HDAC9: variants seen among roughly 807,000 people sequenced by gnomAD.
HDAC9 encodes the protein MEF-2 interacting transcription repressor (MITR) protein.
Under a neutral mutation model 139.4 loss-of-function variants are expected in HDAC9, and 41 were observed. The ratio of observed to expected loss-of-function variants is 0.29; its 90% CI spans 0.23 to 0.38. The LOEUF (loss-of-function observed/expected upper bound fraction) is 0.38, where lower values mean the gene tolerates loss of function less well. Ranked by LOEUF, HDAC9 falls within the 10% of genes least tolerant of loss-of-function variation. The probability of loss-of-function intolerance (pLI) is 1.00; values close to 1 mark genes in which losing one functional copy is unlikely to be tolerated. For missense variants in HDAC9, 1,147 were observed against 1,297.0 expected (o/e 0.88, Z 1.78); for synonymous variants, 517 against 476.2 (o/e 1.09, Z -1.12).
intron 23 of HDAC9, among the ~76,000 whole-genome samples, chr7:18,953,779 C>G (rs552465306): frequency 1.3e-5 from 2 of 152,032 alleles, no homozygotes; most frequent in Admixed American, 1.3e-4. Context: ...ATTGCAACTT[C>G]CCTGAGGTTT....
rs149225268 is a variant in HDAC9, at chr7:18,720,556, A to G, written c.1732-7024A>G. 3.2e-3 allele frequency among the ~76,000 whole-genome samples: 482 copies of G among 151,658 alleles called. 1 individual carries two copies. Among genetic ancestry groups the G allele is most frequent in the African/African-American group, 0.011 (444 of 41,440 alleles). On this transcript the variant is annotated intron_variant, in intron 12 of 25. Coordinates refer to ENST00000686413, the MANE Select transcript of HDAC9 (RefSeq NM_178425.4). ...ATTTATCTATCAGTGAAATTATTTC[A>G]TAGTTGGTACAGATTAATGTATATC... is the stretch of plus-strand genomic sequence containing the variant.
rs539353567 is a variant in HDAC9, at chr7:18,826,360, G to A, written c.2323-2801G>A. Among the ~76,000 whole-genome samples the A allele has an allele frequency of 4.0e-5, 6 of 149,134 alleles. No homozygotes were observed. The South Asian group carries it at 8.3e-4, about 21-fold the overall frequency. On this transcript the variant is annotated intron_variant, in intron 17 of 25. Coordinates refer to ENST00000686413, the MANE Select transcript of HDAC9 (RefSeq NM_178425.4). ...TTGAGCAGATTGTGGGAGAAGCAGC[G>A]TTTTGAGGTTTCAGCTAAGGAAAGG...
chr7:18,582,991 A>T (rs893258006), intron 2 of HDAC9, among the ~76,000 whole-genome samples: 3 of 152,142 alleles, frequency 2.0e-5, no homozygotes, highest in African/African-American at 7.2e-5. Flanking sequence ...TTTGATTCAT[A>T]ATTTGCAATT....
intron 1 of HDAC9, among the ~76,000 whole-genome samples, chr7:18,420,081 A>G (rs1421734486): frequency 2.0e-5 from 3 of 152,226 alleles, no homozygotes; most frequent in Non-Finnish European, 4.4e-5. Context: ...TGTGAGATAA[A>G]CAAAACTCAT....
In HDAC9 at chr7:18,114,623, T is replaced by G. The variant is rs561144792; in HGVS notation, c.-97+27410T>G. ...TCCTTCTGGCGGAGAGGATCCATTC[T>G]TCAATGTCAATCTAGATGGAGCAGT... On this transcript the variant is annotated intron_variant, in intron 1 of 12. Coordinates refer to the HDAC9 transcript ENST00000417496. 9.8e-5 allele frequency among the ~76,000 whole-genome samples: 15 copies of G among 152,304 alleles called. No homozygotes were observed. In the South Asian group the frequency reaches 3.1e-3, roughly 32 times the overall value.
intron 1 of HDAC9, among the ~76,000 whole-genome samples, chr7:18,373,157 A>G (rs898238602): frequency 6.6e-5 from 10 of 152,214 alleles, no homozygotes; most frequent in African/African-American, 2.4e-4. Flanking sequence ...GTCAACCACA[A>G]AAAGAACTGG....
intron 2 of HDAC9, among the ~76,000 whole-genome samples, chr7:18,276,890 CTTCT>C (rs377194595): frequency 3.2e-4 from 48 of 152,084 alleles, no homozygotes; most frequent in African/African-American, 1.1e-3. Context: ...ACAAAAATGG[CTTCT>C]TTGTCTTTTT....
chr7:18,629,482 G>A lies in HDAC9; in HGVS notation c.796+1G>A. ...AAGAAGCGAATGTTTGAGGTGACAG[G>A]TAATTGAGGACTGGGCAGACCTATG... On this transcript the variant is annotated splice_donor_variant, in intron 7 of 25. Transcript: ENST00000686413. LOFTEE classifies it high-confidence loss of function. 1.2e-6 allele frequency: 2 copies of A among 1,611,420 alleles called. No homozygotes were observed. The highest frequency in any genetic ancestry group is 1.7e-6 in the Non-Finnish European group (2 of 1,178,354).
At chr7:18,678,330 T>C (rs567885784) in intron 12 of HDAC9, among the ~76,000 whole-genome samples, 63 of 152,038 alleles carry the variant, frequency 4.1e-4, no homozygotes, top group African/African-American at 1.4e-3. Flanking sequence ...CATCCTTCTT[T>C]GGTTCACTGA....
intron 1 of HDAC9, among the ~76,000 whole-genome samples, chr7:18,372,649 A>C (rs534136988): frequency 6.6e-6 from 1 of 152,344 alleles, no homozygotes; most frequent in South Asian, 2.1e-4. Flanking sequence ...ACATGAGAAC[A>C]TCACGACAGT....
At chr7:18,698,833 T>A (rs1483882634) in intron 12 of HDAC9, among the ~76,000 whole-genome samples, 1 of 152,070 alleles carries the variant, frequency 6.6e-6, no homozygotes, top group Non-Finnish European at 1.5e-5. Context: ...TATTCTTGTA[T>A]CACATTAGTT....
intron 2 of HDAC9, among the ~76,000 whole-genome samples, chr7:18,561,982 C>T (rs932678743): frequency 8.5e-5 from 13 of 152,236 alleles, no homozygotes; most frequent in African/African-American, 2.9e-4. Context: ...CTCGTAAGTA[C>T]TTGCCAACAC....
At chr7:18,730,148 T>C (rs1785919155) in intron 13 of HDAC9, among the ~76,000 whole-genome samples, 1 of 152,206 alleles carries the variant, frequency 6.6e-6, no homozygotes. Flanking sequence ...CCACTGGCAT[T>C]GGGATTAAAA....
At chr7:18,895,558 T>A (rs139685517) in intron 22 of HDAC9, among the ~76,000 whole-genome samples, 62 of 152,232 alleles carry the variant, frequency 4.1e-4, no homozygotes, top group African/African-American at 1.5e-3. Context: ...ATTCTAAAGA[T>A]CAGCTCATGA....
chr7:18,976,201 T>G (rs1468636921), intron 25 of HDAC9, among the ~76,000 whole-genome samples: 1 of 152,208 alleles, frequency 6.6e-6, no homozygotes, highest in Non-Finnish European at 1.5e-5. Context: ...ATGAGATAAA[T>G]GGTGAGAAAA....
In HDAC9 at chr7:18,400,998, C is replaced by T. The variant is rs570336031; in HGVS notation, c.-41-95264C>T. On this transcript the variant is annotated intron_variant, in intron 1 of 3. Coordinates refer to the HDAC9 transcript ENST00000413509. ...AGATGCCTTAGTTGTGGTATAAAAA[C>T]GCTTGGGAAACTCATCTAAATTTAA... Among the ~76,000 whole-genome samples the T allele has an allele frequency of 3.9e-5, 6 of 152,160 alleles. No homozygotes were observed. The South Asian group carries it at 8.3e-4, about 21-fold the overall frequency.
At chr7:18,703,136 A>T (rs1783633008) in intron 12 of HDAC9, among the ~76,000 whole-genome samples, 1 of 152,130 alleles carries the variant, frequency 6.6e-6, no homozygotes, top group South Asian at 2.1e-4. Flanking sequence ...AAGCCAATCA[A>T]AAAAAACAGA....
At position 18,146,650 on chromosome 7, in the gene HDAC9, A is replaced by G. The variant is rs550221509; in HGVS notation, c.-96-15579A>G. ...AATGCTTTTAACTTTTATTTGTGTCATATATTTAAGTTACACATTATTTTC... is the reference window on the plus strand; with the variant it reads ...AATGCTTTTAACTTTTATTTGTGTCGTATATTTAAGTTACACATTATTTTC... On this transcript the variant is annotated intron_variant, in intron 1 of 12. Transcript: ENST00000417496. Among the ~76,000 whole-genome samples the G allele has an allele frequency of 1.1e-4, 16 of 152,316 alleles. No individual in the cohort carries two copies. The South Asian group carries it at 3.3e-3, about 32-fold the overall frequency.
chr7:18,212,944 C>T (rs1792050747), intron 2 of HDAC9, among the ~76,000 whole-genome samples: 1 of 152,120 alleles, frequency 6.6e-6, no homozygotes, highest in Admixed American at 6.6e-5. Context: ...TAATCAGAAC[C>T]AGCTGCAAGC....
Sources: gnomAD v4.1 joint callset for allele counts (sites outside exome capture counted in the v4.1 genomes callset) on GRCh38, gnomAD v4.1.1 for gene constraint, MANE v1.5 for transcripts, NCBI Gene and HGNC (gene_info 2026-07-23, HGNC 2026-07-21) for gene names.